RHBDD1: variants seen among roughly 807,000 people sequenced by gnomAD.
RHBDD1 encodes rhomboid-related protein 4.
In RHBDD1, 38 loss-of-function variants were observed where a neutral mutation model predicts 36.3. The observed-to-expected ratio is 1.05, with a 90% CI of 0.81 to 1.37. The LOEUF is 1.37. RHBDD1 is among the 40% of genes most tolerant of loss of function. The pLI, the probability that RHBDD1 is intolerant of heterozygous loss-of-function variation, is 0.00. For missense variants in RHBDD1, 393 were observed against 377.6 expected (o/e 1.04, Z -0.34); for synonymous variants, 151 against 136.5 (o/e 1.11, Z -0.74).
At chr2:226,960,103 A>G (rs1351929648) in intron 8 of RHBDD1, among the ~76,000 whole-genome samples, 2 of 152,142 alleles carry the variant, frequency 1.3e-5, no homozygotes, top group Non-Finnish European at 2.9e-5. Context: ...GATTACAGGC[A>G]TGAGCCACCG....
the RHBDD1 span, among the ~76,000 whole-genome samples, chr2:226,829,815 C>G: frequency 4.6e-5 from 7 of 152,238 alleles, no homozygotes; most frequent in East Asian, 9.7e-4. Flanking sequence ...TAGAGTTTCA[C>G]TTTTTCCTAT....
intron 8 of RHBDD1, 21 bp downstream of exon 8, chr2:226,914,372 A>G (rs780126102): frequency 6.2e-7 from 1 of 1,605,570 alleles, no homozygotes; most frequent in East Asian, 2.2e-5. Flanking sequence ...TGCGCCCTTC[A>G]GTTATTTTAA....
chr2:226,872,518 T>C (rs1944877003), intron 5 of RHBDD1, among the ~76,000 whole-genome samples: 1 of 152,216 alleles, frequency 6.6e-6, no homozygotes, highest in South Asian at 2.1e-4. Context: ...ATTTTTAGAA[T>C]CACTGTCCAA....
chr2:226,866,911 CTAA>C (rs1489512343), intron 4 of RHBDD1, among the ~76,000 whole-genome samples: 5 of 152,028 alleles, frequency 3.3e-5, no homozygotes, highest in African/African-American at 9.7e-5. Context: ...GCGTTTAATA[CTAA>C]TAATAGTATT....
chr2:226,977,173 G>T (rs1050347598), intron 8 of RHBDD1, among the ~76,000 whole-genome samples: 1 of 152,200 alleles, frequency 6.6e-6, no homozygotes, highest in Non-Finnish European at 1.5e-5. Context: ...AGAAGTCAAG[G>T]AGCATCATTG....
intron 8 of RHBDD1, among the ~76,000 whole-genome samples, chr2:226,973,222 A>T (rs1953921530): frequency 6.6e-6 from 1 of 152,218 alleles, no homozygotes; most frequent in Non-Finnish European, 1.5e-5. Context: ...ACTCATCCAA[A>T]CCATTTAATT....
intron 8 of RHBDD1, among the ~76,000 whole-genome samples, chr2:226,937,096 A>G (rs1950380956): frequency 6.6e-6 from 1 of 152,134 alleles, no homozygotes. Flanking sequence ...GAAGTTTTTG[A>G]TGTGTATATT....
the RHBDD1 span, among the ~76,000 whole-genome samples, chr2:226,818,254 T>C: frequency 1.4e-5 from 2 of 146,478 alleles, no homozygotes; most frequent in Non-Finnish European, 3.0e-5. Flanking sequence ...CCGCCTCCCA[T>C]GTTCACACCA....
intron 5 of RHBDD1, among the ~76,000 whole-genome samples, chr2:226,874,295 T>G (rs1410852913): frequency 6.6e-6 from 1 of 152,178 alleles, no homozygotes; most frequent in African/African-American, 2.4e-5. Flanking sequence ...GGACAAAGAA[T>G]GTGAGGCTAC....
chr2:226,869,844 T>A (rs1377756286), intron 5 of RHBDD1, among the ~76,000 whole-genome samples: 2 of 152,188 alleles, frequency 1.3e-5, no homozygotes, highest in Non-Finnish European at 2.9e-5. Context: ...TAGGTGATAG[T>A]GTCTGAAGGG....
intron 2 of RHBDD1, among the ~76,000 whole-genome samples, chr2:226,838,907 G>T (rs911507621): frequency 2.0e-5 from 3 of 152,150 alleles, no homozygotes; most frequent in Non-Finnish European, 4.4e-5. Context: ...CAAAGGTCAG[G>T]GGATGAGTAA....
the RHBDD1 span, among the ~76,000 whole-genome samples, chr2:226,830,389 T>C: frequency 2.0e-5 from 3 of 152,240 alleles, no homozygotes; most frequent in Non-Finnish European, 4.4e-5. Context: ...CATAAATTTC[T>C]GTTGCTTACA....
chr2:226,937,813 G>T (rs922555715), intron 8 of RHBDD1, among the ~76,000 whole-genome samples: 9 of 152,138 alleles, frequency 5.9e-5, no homozygotes, highest in Non-Finnish European at 1.2e-4. Flanking sequence ...TGGTGTATAC[G>T]TACCACATTT....
At chr2:226,916,248 G>A (rs1948902327) in intron 8 of RHBDD1, among the ~76,000 whole-genome samples, 1 of 152,220 alleles carries the variant, frequency 6.6e-6, no homozygotes, top group South Asian at 2.1e-4. Context: ...ACATGCAATG[G>A]TTATGGATAG....
chr2:226,991,847 C>G (rs1418671022), intron 8 of RHBDD1, among the ~76,000 whole-genome samples: 1 of 152,184 alleles, frequency 6.6e-6, no homozygotes, highest in Non-Finnish European at 1.5e-5. Context: ...GTAGCCTCCT[C>G]TCACGTATGA....
chr2:226,816,927 T>C, the RHBDD1 span, among the ~76,000 whole-genome samples: 6 of 139,744 alleles, frequency 4.3e-5, no homozygotes, highest in South Asian at 1.5e-3. Context: ...AATACCTTTT[T>C]CTGAGGGACA....
At chr2:226,865,181 G>A (rs747306407) in intron 4 of RHBDD1, 55 bp downstream of exon 4, 6 of 1,343,876 alleles carry the variant, frequency 4.5e-6, no homozygotes, top group Non-Finnish European at 6.2e-6. Context: ...GGGAGGTGTG[G>A]CTGCTGTCAT....
chr2:226,857,324 T>C (rs998869636), intron 3 of RHBDD1, among the ~76,000 whole-genome samples: 8 of 152,164 alleles, frequency 5.3e-5, no homozygotes, highest in Non-Finnish European at 1.2e-4. Context: ...CTGGAACCCC[T>C]GTACAGTGCT....
At chr2:226,874,822 A>T (rs942802197) in intron 5 of RHBDD1, among the ~76,000 whole-genome samples, 21 of 152,222 alleles carry the variant, frequency 1.4e-4, no homozygotes, top group African/African-American at 5.1e-4. Flanking sequence ...AACAAAAAAT[A>T]GAAAGTGATG....
Sources: allele counts gnomAD v4.1 joint callset (sites outside exome capture counted in the v4.1 genomes callset), GRCh38; gene constraint gnomAD v4.1.1; transcripts MANE v1.5; gene names NCBI Gene and HGNC (gene_info 2026-07-23, HGNC 2026-07-21).